The following POLE variants were observed in gnomAD, a reference collection of about 807,000 sequenced individuals.
The protein encoded by POLE is DNA polymerase epsilon catalytic subunit A.
Under a neutral mutation model 279.2 loss-of-function variants are expected in POLE, and 188 were observed. The ratio of observed to expected loss-of-function variants is 0.67; its 90% CI spans 0.60 to 0.76. The LOEUF is 0.76. POLE is among the 30% of genes least tolerant of loss of function. The pLI is 0.00. For missense variants in POLE, 2,703 were observed against 3,016.7 expected (o/e 0.90, Z 2.44); for synonymous variants, 1,214 against 1,172.5 (o/e 1.04, Z -0.72).
Position 132,675,424 on chromosome 12 carries a change from G to A in POLE, c.1200C>T (p.Pro400=), listed in dbSNP as rs1330997509. ...TGAGGCAGTCCATGTGGATGCACTGGGGCGCCTTGTACTCCCCCTGGCTGT... is the reference window on the plus strand; with the variant it reads ...TGAGGCAGTCCATGTGGATGCACTGAGGCGCCTTGTACTCCCCCTGGCTGT... ...QKDSQGEYKA[P]QCIHMDCLRW... The change falls in exon 12 of 49, where the codon CCC becomes CCT. Residue 400 remains proline, a synonymous_variant. Transcript: ENST00000320574. This position sits in a 1 kb window ranked among gnomAD's most constrained non-coding sequence, Gnocchi z 4.3. 6 of 1,614,044 alleles carry A rather than the reference G, an allele frequency of 3.7e-6. No individual in the cohort carries two copies. Among genetic ancestry groups the A allele is most frequent in the Non-Finnish European group, 5.1e-6 (6 of 1,180,014 alleles).
In POLE at chr12:132,676,180, T is replaced by C. The variant is rs1008022121; in HGVS notation, c.934A>G (p.Ile312Val). 6.2e-7 allele frequency: 1 copy of C among 1,613,266 alleles called. No homozygotes were observed. The highest frequency in any genetic ancestry group is 8.5e-7 in the Non-Finnish European group (1 of 1,179,664). Reference protein sequence around the residue: ...GQGYLITNREIVSEDIEDFEF... With the variant: ...GQGYLITNREVVSEDIEDFEF... The stretch of plus-strand genomic sequence containing the variant: ...AAATCTTCAATATCTTCTGAAACAA[T>C]CTCCCTGTTGGTGATGAGGTAGCCC... The change falls in exon 10 of 49, where the codon ATT (isoleucine) becomes GTT (valine). Residue 312 changes from isoleucine to valine, a missense_variant. Ile to Val is a conservative substitution (Grantham distance 29, BLOSUM62 3). Around this residue, in one of 5 missense-constraint regions of POLE, gnomAD observed 1,011 missense variants for 1,111.7 expected, o/e 0.91. Transcript: ENST00000320574.
chr12:132,676,969 A>G (rs770555666), intron 8 of POLE, among the ~76,000 whole-genome samples: 1 of 152,232 alleles, frequency 6.6e-6, no homozygotes, highest in Non-Finnish European at 1.5e-5. Context: ...ACTGTGGCAC[A>G]GAGATGATAT....
chr12:132,649,084 C>T lies in POLE; in HGVS notation c.4006-12G>A, dbSNP rs2138600796. On this transcript the variant is annotated splice_polypyrimidine_tract_variant and intron_variant, in intron 31 of 48. Coordinates refer to ENST00000320574, the MANE Select transcript of POLE (RefSeq NM_006231.4). Reference sequence around the variant, plus strand: ...CTGGTCTCGCTGATCTGAAAGGCCACACGGACATACAGCACATCACAGGAC... The same window carrying T: ...CTGGTCTCGCTGATCTGAAAGGCCATACGGACATACAGCACATCACAGGAC... The T allele has an allele frequency of 6.2e-7, 1 of 1,608,976 alleles. No homozygotes were observed. Among genetic ancestry groups the T allele is most frequent in the Non-Finnish European group, 8.5e-7 (1 of 1,178,482 alleles).
rs145245295 is a variant in POLE at position 132,675,779 on chromosome 12, G to C, written c.1062C>G (p.Thr354=). ...TGTAGGTGACCATGATGGTGGGTTT[G>C]GTCTCCTGGACGTGTTCAAACCACC... ...IQRWFEHVQE[T]KPTIMVTYNG... Residue 354 remains threonine (T), a synonymous_variant, in exon 11 of 49, where the codon ACC becomes ACG. Transcript: ENST00000320574. This position sits in a 1 kb window ranked among gnomAD's most constrained non-coding sequence, Gnocchi z 4.3. 4 of 1,614,026 alleles carry C rather than the reference G, an allele frequency of 2.5e-6. No homozygotes were observed. The African/African-American group carries it at 5.3e-5, about 22-fold the overall frequency.
chr12:132,654,733 A>G (rs902480526), intron 29 of POLE, among the ~76,000 whole-genome samples: 20 of 152,190 alleles, frequency 1.3e-4, no homozygotes, highest in Non-Finnish European at 2.9e-4. Flanking sequence ...TCAAGGCTGC[A>G]GTGAGCCATG....
rs1191769387 is a variant in POLE, at chr12:132,624,021, A to C, written c.*676T>G. On this transcript the variant is annotated 3_prime_UTR_variant, in exon 49 of 49. Coordinates refer to ENST00000320574, the MANE Select transcript of POLE (RefSeq NM_006231.4). Reference sequence around the variant, plus strand: ...TGGTCCTGTGTGGAGGTGAAGGACAAGGGCTGCAGTGAGCCAAAAGTGAGG... The same window carrying C: ...TGGTCCTGTGTGGAGGTGAAGGACACGGGCTGCAGTGAGCCAAAAGTGAGG... 6 of 198,758 alleles carry C rather than the reference A, an allele frequency of 3.0e-5. No homozygotes were observed. Among genetic ancestry groups the C allele is most frequent in the Non-Finnish European group, 5.2e-5 (5 of 96,324 alleles). The allele number at this position is 198,758 out of a possible 1,614,324, so 12.3% of individuals were successfully genotyped here.
In POLE at chr12:132,672,663, C is replaced by T. The variant is rs1060504067; in HGVS notation, c.1650G>A (p.Gly550=). Residue 550 remains glycine (G), a synonymous_variant, in exon 15 of 49, where the codon GGG becomes GGA. Coordinates refer to ENST00000320574, the MANE Select transcript of POLE (RefSeq NM_006231.4). ...GGCAAGGGATATCGCTGCGGAAAAC[C>T]CCAGACTCGAGGGCCTCCACGTGGC... ...VGGHVEALES[G]VFRSDIPCRF... 1 of 1,614,130 alleles carries T rather than the reference C, an allele frequency of 6.2e-7. No individual in the cohort carries two copies. The highest frequency in any genetic ancestry group is 8.5e-7 in the Non-Finnish European group (1 of 1,180,038).
At chr12:132,674,338 T>G (rs2042995855) in intron 12 of POLE, among the ~76,000 whole-genome samples, 1 of 151,572 alleles carries the variant, frequency 6.6e-6, no homozygotes, top group Non-Finnish European at 1.5e-5. Context: ...TCACTTTACC[T>G]CTTGCCTTCA....
Position 132,672,182 on chromosome 12 carries a change from C to G in POLE, c.1794+33G>C, listed in dbSNP as rs754018316. The G allele has an allele frequency of 3.4e-6, 5 of 1,482,236 alleles. No individual in the cohort carries two copies. In the East Asian group the frequency reaches 9.0e-5, roughly 27 times the overall value. The allele number at this position is 1,482,236 out of a possible 1,614,324, so 91.8% of individuals were successfully genotyped here. A position where few individuals can be genotyped will look rare whatever the true frequency, so the allele number is the denominator to read the frequency against. ...TGGTCTGTGAAGAAGGCGCCAAACA[C>G]AGACTGGCTCTTCCTGCCTCCCTGA... On this transcript the variant is annotated intron_variant, in intron 16 of 48. Transcript: ENST00000320574.
At chr12:132,685,746 C>A (rs1167860795) in intron 1 of POLE, among the ~76,000 whole-genome samples, 7 of 152,240 alleles carry the variant, frequency 4.6e-5, no homozygotes, top group African/African-American at 1.7e-4. Flanking sequence ...CTCTCTAGGG[C>A]TTGCCTGATA....
chr12:132,686,128 C>T (rs1416841372), intron 1 of POLE, among the ~76,000 whole-genome samples: 2 of 152,154 alleles, frequency 1.3e-5, no homozygotes, highest in Middle Eastern at 3.4e-3. Flanking sequence ...CCTCCTGCCT[C>T]GGCCTCCCAA....
Position 132,634,044 on chromosome 12 carries a change from C to T in POLE, c.6004+142G>A. 1.3e-6 allele frequency: 1 copy of T among 748,288 alleles called. No homozygotes were observed. Among genetic ancestry groups the T allele is most frequent in the South Asian group, 1.8e-5 (1 of 54,538 alleles). 46.4% of individuals were successfully genotyped at this position (748,288 alleles called of 1,614,324 possible). ...AGCCTGGAGAGGAGGCCCCTCGGCTCACAAAGTCCCAACTGCTGGGCAGGC... is the reference window on the plus strand; with the variant it reads ...AGCCTGGAGAGGAGGCCCCTCGGCTTACAAAGTCCCAACTGCTGGGCAGGC... On this transcript the variant is annotated intron_variant, in intron 43 of 48. Coordinates refer to ENST00000320574, the MANE Select transcript of POLE (RefSeq NM_006231.4). The surrounding 1 kb of genome is among the most constrained non-coding windows in gnomAD (Gnocchi z 4.0).
At chr12:132,631,289 TGAG>T (rs1433991260) in intron 45 of POLE, among the ~76,000 whole-genome samples, 1 of 152,096 alleles carries the variant, frequency 6.6e-6, no homozygotes, top group African/African-American at 2.4e-5. Flanking sequence ...GGGTGTCAGG[TGAG>T]GAGGGCAGTG....
chr12:132,673,029 C>T (rs1204631351), intron 14 of POLE, 135 bp downstream of exon 14: 9 of 759,914 alleles, frequency 1.2e-5, no homozygotes, highest in South Asian at 3.3e-5. Flanking sequence ...ACATCCCTGA[C>T]GTCACACACC....
chr12:132,645,580 C>G (rs964119382), intron 32 of POLE, among the ~76,000 whole-genome samples: 1 of 152,186 alleles, frequency 6.6e-6, no homozygotes, highest in Non-Finnish European at 1.5e-5. Context: ...TGGAATTAAC[C>G]GTGTTGGTTG....
rs1328920711 is a variant in POLE at position 132,634,734 on chromosome 12, A to G, written c.5812-356T>C. On this transcript the variant is annotated intron_variant, in intron 42 of 48. Coordinates refer to ENST00000320574, the MANE Select transcript of POLE (RefSeq NM_006231.4). The surrounding 1 kb of genome is among the most constrained non-coding windows in gnomAD (Gnocchi z 4.0). ...CCTCTGAGTCCATGAATCTCCTGGGACGGCACGACCCCATCACAGACCCAG... is the reference window on the plus strand; with the variant it reads ...CCTCTGAGTCCATGAATCTCCTGGGGCGGCACGACCCCATCACAGACCCAG... Among the ~76,000 whole-genome samples the G allele has an allele frequency of 6.6e-6, 1 of 151,928 alleles. No individual in the cohort carries two copies. The highest frequency in any genetic ancestry group is 1.5e-5 in the Non-Finnish European group (1 of 67,964).
chr12:132,683,430 G>C (rs573042957), intron 1 of POLE, among the ~76,000 whole-genome samples: 2 of 152,266 alleles, frequency 1.3e-5, no homozygotes, highest in East Asian at 1.9e-4. Flanking sequence ...TAACCAACCA[G>C]ACACTTTCAT....
chr12:132,665,959 GA>G (rs1410913231), intron 20 of POLE, among the ~76,000 whole-genome samples: 2 of 152,218 alleles, frequency 1.3e-5, no homozygotes, highest in African/African-American at 2.4e-5. Context: ...TTTGATGAGG[GA>G]GACAGATGAA....
At chr12:132,682,257 A>G (rs1335908593) in intron 1 of POLE, among the ~76,000 whole-genome samples, 7 of 150,078 alleles carry the variant, frequency 4.7e-5, no homozygotes, top group Non-Finnish European at 8.9e-5. Context: ...ACGCGCCACC[A>G]CACTCCAGCC....
Sources: gnomAD v4.1 joint callset for allele counts (sites outside exome capture counted in the v4.1 genomes callset) on GRCh38, gnomAD v4.1.1 for gene constraint, gnomAD v4.1.1 regional missense constraint, Gnocchi (gnomAD v3.1) non-coding constraint, MANE v1.5 for transcripts, NCBI Gene and HGNC (gene_info 2026-07-23, HGNC 2026-07-21) for gene names.